The following KMT2B variants were observed in gnomAD, a reference collection of about 807,000 sequenced individuals.
The protein encoded by KMT2B is histone-lysine N-methyltransferase 2B.
KMT2B carries 22 observed loss-of-function variants against 255.3 expected under a neutral mutation model. The observed-to-expected ratio is 0.09, with a 90% confidence interval of 0.06 to 0.12. The LOEUF is 0.12. Ranked by LOEUF, KMT2B falls within the 10% of genes least tolerant of loss-of-function variation. KMT2B has a pLI of 1.00. For synonymous variants in KMT2B, 1,730 were observed against 1,498.1 expected (o/e 1.15, Z -3.57); for missense variants, 3,149 against 3,737.0 (o/e 0.84, Z 4.10).
Position 35,738,726 on chromosome 19 carries a change from C to G in KMT2B, c.*169C>G. On this transcript the variant is annotated 3_prime_UTR_variant, in exon 37 of 37. Transcript: ENST00000420124. The surrounding 1 kb of genome is among the most constrained non-coding windows in gnomAD (Gnocchi z 8.7). ...AGGGCCCTGCCTCCACCCCTCCAGCCCATCCAGCAATCGCCCCCTTTCTGC... is the reference window on the plus strand; with the variant it reads ...AGGGCCCTGCCTCCACCCCTCCAGCGCATCCAGCAATCGCCCCCTTTCTGC... 1 of 708,960 alleles carries G rather than the reference C, an allele frequency of 1.4e-6. No homozygotes were observed. Among genetic ancestry groups the G allele is most frequent in the Non-Finnish European group, 2.3e-6 (1 of 436,444 alleles). 43.9% of individuals were successfully genotyped at this position (708,960 alleles called of 1,614,324 possible).
In KMT2B at chr19:35,728,801, C is replaced by T. The variant is rs201593055; in HGVS notation, c.4599C>T (p.Pro1533=). 2.2e-4 allele frequency: 360 copies of T among 1,613,890 alleles called. 6 individuals are homozygous for T. The Middle Eastern group carries it at 6.1e-3, about 27-fold the overall frequency. The change falls in exon 20 of 37, where the codon CCC becomes CCT. Residue 1533 remains proline (P), a synonymous_variant. Transcript: ENST00000420124. The part of the protein sequence containing the change: ...PNGVLPNAVL[P]PSLDHVYAQW... ...GAGTCCTTCCCAATGCGGTGTTGCC[C>T]CCATCCCTGGATCATGTCTATGCGC...
At chr19:35,719,758 T>A (rs750917085) in intron 2 of KMT2B, 26 bp from the exon 3 acceptor site, 1 of 1,553,612 alleles carries the variant, frequency 6.4e-7, no homozygotes, top group Admixed American at 1.9e-5. Context: ...GCTTGATCCA[T>A]CTCCCCACAA....
In KMT2B at chr19:35,718,873, G is replaced by C. The variant is rs1333174120; in HGVS notation, c.363+492G>C. ...AGGGCTTCCTCTTGGGGCTCGGGTT[G>C]AACAGGAGTGGGATGAAGGCCGGGA... On this transcript the variant is annotated intron_variant, in intron 1 of 36. Coordinates refer to ENST00000420124, the MANE Select transcript of KMT2B (RefSeq NM_014727.3). The surrounding 1 kb of genome is among the most constrained non-coding windows in gnomAD (Gnocchi z 5.0). Among the ~76,000 whole-genome samples the C allele has an allele frequency of 1.3e-5, 2 of 152,174 alleles. No individual in the cohort carries two copies. The highest frequency in any genetic ancestry group is 4.8e-5 in the African/African-American group (2 of 41,442).
intron 14 of KMT2B, 28 bp downstream of exon 14, chr19:35,726,381 C>T: frequency 1.4e-6 from 2 of 1,473,338 alleles, no homozygotes; most frequent in Non-Finnish European, 1.9e-6. Flanking sequence ...GAACTGGATG[C>T]TGGGGGCCAC....
chr19:35,730,261 A>C, intron 23 of KMT2B, 81 bp from the exon 24 acceptor site: 1 of 1,600,024 alleles, frequency 6.2e-7, no homozygotes, highest in Non-Finnish European at 8.5e-7. Context: ...CCTTTAGGCC[A>C]AGCCCCTGAC....
In KMT2B at chr19:35,738,851, C is replaced by G. The variant is rs1284171594; in HGVS notation, c.*294C>G. The G allele has an allele frequency of 2.0e-6, 1 of 489,924 alleles. No individual in the cohort carries two copies. Among genetic ancestry groups the G allele is most frequent in the Non-Finnish European group, 3.6e-6 (1 of 276,780 alleles). The allele number at this position is 489,924 out of a possible 1,614,324, so 30.3% of individuals were successfully genotyped here. On this transcript the variant is annotated 3_prime_UTR_variant, in exon 37 of 37. Coordinates refer to ENST00000420124, the MANE Select transcript of KMT2B (RefSeq NM_014727.3). The surrounding 1 kb of genome is among the most constrained non-coding windows in gnomAD (Gnocchi z 8.7). ...AGGTGGGGTCCCAGGTGGGAACCCC[C>G]CCACAATAAAGTCTGTCAATGTTTG...
Position 35,732,676 on chromosome 19 carries a change from T to G in KMT2B, c.6127T>G (p.Ser2043Ala). ...RYIHFPVTVV[S>A]APGLAPSATP... ...CATCCACTTCCCTGTGACTGTGGTGTCCGCCCCTGGTCTGGCCCCCAGCGC... is the reference window on the plus strand; with the variant it reads ...CATCCACTTCCCTGTGACTGTGGTGGCCGCCCCTGGTCTGGCCCCCAGCGC... The change falls in exon 28 of 37, where the codon TCC becomes GCC. Residue 2043 changes from serine to alanine, a missense_variant. Transcript: ENST00000420124. The G allele has an allele frequency of 6.2e-7, 1 of 1,609,476 alleles. No homozygotes were observed. The highest frequency in any genetic ancestry group is 8.5e-7 in the Non-Finnish European group (1 of 1,178,154).
Position 35,731,928 on chromosome 19 carries a change from C to T in KMT2B, c.5458C>T (p.Pro1820Ser), listed in dbSNP as rs1568379896. The change falls in exon 27 of 37, where the codon CCC becomes TCC. Residue 1820 changes from proline (P) to serine (S), a missense_variant. Pro to Ser is a moderately conservative substitution (Grantham distance 74, BLOSUM62 -1). This residue lies in a region of KMT2B where 897 missense variants were observed against 825.3 expected (regional missense o/e 1.09). Coordinates refer to ENST00000420124, the MANE Select transcript of KMT2B (RefSeq NM_014727.3). ...PSSEPPGGED[P>S]PLDTDVLVPG... ...TTCAGAGCCCCCAGGTGGTGAGGAC[C>T]CCCCACTGGACACAGATGTTCTTGT... is the stretch of plus-strand genomic sequence containing the variant. The T allele has an allele frequency of 1.2e-6, 2 of 1,613,612 alleles. No individual in the cohort carries two copies. The highest frequency in any genetic ancestry group is 1.1e-5 in the South Asian group (1 of 91,064).
chr19:35,726,472 A>G (rs920456363), intron 14 of KMT2B, 119 bp downstream of exon 14: 12 of 706,668 alleles, frequency 1.7e-5, no homozygotes, highest in African/African-American at 1.4e-4. Context: ...CTATGGGACT[A>G]TCTCTTCAAC....
At chr19:35,734,110 C>T (rs895105029) in intron 30 of KMT2B, among the ~76,000 whole-genome samples, 8 of 152,208 alleles carry the variant, frequency 5.3e-5, no homozygotes, top group African/African-American at 1.4e-4. Context: ...CCAGCATGCC[C>T]AAGAGCCTAG....
chr19:35,718,321 G>T lies in KMT2B; in HGVS notation c.303G>T (p.Trp101Cys), dbSNP rs868764230. The change falls in exon 1 of 37, where the codon TGG becomes TGT. Residue 101 changes from tryptophan to cysteine, a missense_variant. Transcript: ENST00000420124. This position sits in a 1 kb window ranked among gnomAD's most constrained non-coding sequence, Gnocchi z 5.0. Reference protein sequence around the residue: ...RGRGRGRGRGWGPSRGCVPEE... With the variant: ...RGRGRGRGRGCGPSRGCVPEE... ...GGGGACGGGGTCGGGGCCGGGGCTG[G>T]GGCCCGAGTCGAGGCTGCGTGCCGG... 1 of 1,247,184 alleles carries T rather than the reference G, an allele frequency of 8.0e-7. No individual in the cohort carries two copies. Among genetic ancestry groups the T allele is most frequent in the Non-Finnish European group, 1.0e-6 (1 of 988,322 alleles). The allele number at this position is 1,247,184 out of a possible 1,614,324, so 77.3% of individuals were successfully genotyped here. A position where few individuals can be genotyped will look rare whatever the true frequency, so the allele number is the denominator to read the frequency against.
intron 5 of KMT2B, 122 bp from the exon 6 acceptor site, chr19:35,722,873 T>A: frequency 7.1e-7 from 1 of 1,417,654 alleles, no homozygotes; most frequent in African/African-American, 1.4e-5. Context: ...CAACTTCATT[T>A]GGGGGCACCA....
chr19:35,721,498 C>G lies in KMT2B; in HGVS notation c.2151C>G (p.Ala717=), dbSNP rs780598456. Residue 717 remains alanine (A), a synonymous_variant, in exon 3 of 37, where the codon GCC becomes GCG. Transcript: ENST00000420124. ...FAPVVTTPVK[A]EVSPHGAPAL... is the part of the protein sequence containing the mutation. ...CTGTGGTCACCACTCCTGTTAAGGC[C>G]GAGGTGTCCCCTCACGGGGCTCCAG... is the stretch of plus-strand genomic sequence containing the variant. The G allele has an allele frequency of 6.2e-7, 1 of 1,612,490 alleles. No homozygotes were observed. The highest frequency in any genetic ancestry group is 8.5e-7 in the Non-Finnish European group (1 of 1,179,836).
rs375287810 is a variant in KMT2B, at chr19:35,732,071, G to A, written c.5601G>A (p.Val1867=). Residue 1867 remains valine, a synonymous_variant, in exon 27 of 37, where the codon GTG becomes GTA. Coordinates refer to ENST00000420124, the MANE Select transcript of KMT2B (RefSeq NM_014727.3). The stretch of plus-strand genomic sequence containing the variant: ...CTTTTTCGGGGGCTCGAATCAAAGT[G>A]CCCAACTACTCGCCATCCCGGAGGC... The part of the protein sequence containing the change: ...PRSFSGARIK[V]PNYSPSRRPL... 1.8e-4 allele frequency: 292 copies of A among 1,610,522 alleles called. No homozygotes were observed. The highest frequency in any genetic ancestry group is 2.3e-4 in the Non-Finnish European group (274 of 1,178,586).
intron 3 of KMT2B, 67 bp from the exon 4 acceptor site, chr19:35,722,292 C>A: frequency 6.8e-7 from 1 of 1,473,564 alleles, no homozygotes; most frequent in South Asian, 1.3e-5. Flanking sequence ...CATCAGCCAC[C>A]ACACCCAGCT....
At position 35,733,235 on chromosome 19, in the gene KMT2B, C is replaced by T. The variant is rs1458974861; in HGVS notation, c.6686C>T (p.Pro2229Leu). Residue 2229 changes from proline (P) to leucine (L), a missense_variant, in exon 28 of 37, where the codon CCC (proline) becomes CTC (leucine). By Grantham distance (98) the Pro-to-Leu change is moderately conservative. Around this residue, in one of 18 missense-constraint regions of KMT2B, gnomAD observed 897 missense variants for 825.3 expected, o/e 1.09. Transcript: ENST00000420124. This position sits in a 1 kb window ranked among gnomAD's most constrained non-coding sequence, Gnocchi z 4.3. The part of the protein sequence containing the change: ...PLPPTISPTA[P>L]TSWTLPPGPL... ...CCCCCCACCATTTCCCCCACGGCTCCCACCTCCTGGACTCTGCCCCCAGGC... is the reference window on the plus strand; with the variant it reads ...CCCCCCACCATTTCCCCCACGGCTCTCACCTCCTGGACTCTGCCCCCAGGC... 2.0e-6 allele frequency: 3 copies of T among 1,495,466 alleles called. No homozygotes were observed. Among genetic ancestry groups the T allele is most frequent in the South Asian group, 2.5e-5 (2 of 81,584 alleles). 92.6% of individuals were successfully genotyped at this position (1,495,466 alleles called of 1,614,324 possible). A position where few individuals can be genotyped will look rare whatever the true frequency, so the allele number is the denominator to read the frequency against.
chr19:35,722,549 ACT>A lies in KMT2B; in HGVS notation c.2572-17_2572-16del. 1.3e-6 allele frequency: 2 copies of A among 1,596,504 alleles called. No individual in the cohort carries two copies. Among genetic ancestry groups the A allele is most frequent in the Non-Finnish European group, 1.7e-6 (2 of 1,173,528 alleles). ...GCGGGAGCGCAAGCTGCCCACACAC[ACT>A]CCGATTTCTCCCCCAGGGTCCCGAG... is the stretch of plus-strand genomic sequence containing the variant. On this transcript the variant is annotated splice_polypyrimidine_tract_variant and intron_variant, in intron 4 of 36. Transcript: ENST00000420124.
intron 30 of KMT2B, chr19:35,736,447 C>T (rs1330097340): frequency 3.7e-6 from 2 of 533,756 alleles, no homozygotes; most frequent in East Asian, 3.1e-5. Flanking sequence ...CCCCAAGCCT[C>T]TGTGGAATGC....
chr19:35,718,438 G>C lies in KMT2B; in HGVS notation c.363+57G>C. ...GTGGGGCGGAGGCCGGGGCTTCCAG[G>C]GGTCTGGGTTGTCCCGGGGGCGGCG... On this transcript the variant is annotated intron_variant, in intron 1 of 36. Coordinates refer to ENST00000420124, the MANE Select transcript of KMT2B (RefSeq NM_014727.3). The surrounding 1 kb of genome is among the most constrained non-coding windows in gnomAD (Gnocchi z 5.0). 1 of 1,221,314 alleles carries C rather than the reference G, an allele frequency of 8.2e-7. No individual in the cohort carries two copies. Among genetic ancestry groups the C allele is most frequent in the Non-Finnish European group, 1.0e-6 (1 of 971,862 alleles). 75.7% of individuals were successfully genotyped at this position (1,221,314 alleles called of 1,614,324 possible). A position where few individuals can be genotyped will look rare whatever the true frequency, so the allele number is the denominator to read the frequency against.
Sources: allele counts gnomAD v4.1 joint callset (sites outside exome capture counted in the v4.1 genomes callset), GRCh38; gene constraint gnomAD v4.1.1; regional missense constraint gnomAD v4.1.1; non-coding constraint Gnocchi (gnomAD v3.1); transcripts MANE v1.5; gene names NCBI Gene and HGNC (gene_info 2026-07-23, HGNC 2026-07-21).